The following FMO3 variants were observed in gnomAD, a reference collection of about 807,000 sequenced individuals.
FMO3 encodes the protein flavin-containing monooxygenase 3.
In FMO3, 40 loss-of-function variants were observed where a neutral mutation model predicts 39.4. The ratio of observed to expected loss-of-function variants is 1.02; its 90% CI spans 0.79 to 1.32. The LOEUF (loss-of-function observed/expected upper bound fraction) is 1.32. Ranked by LOEUF, FMO3 falls within the 40% of genes most tolerant of loss-of-function variation. FMO3 has a pLI of 0.00. For synonymous variants in FMO3, 219 were observed against 228.8 expected (o/e 0.96, Z 0.39); for missense variants, 680 against 651.8 (o/e 1.04, Z -0.47).
At position 171,100,944 on chromosome 1, in the gene FMO3, C is replaced by T. The variant is rs565668110; in HGVS notation, c.133-2841C>T. The T allele has an allele frequency of 1.0e-3, 338 of 329,850 alleles. 1 individual carries two copies. Among genetic ancestry groups the T allele is most frequent in the East Asian group, 1.9e-3 (25 of 13,436 alleles). The allele number at this position is 329,850 out of a possible 1,614,324, so 20.4% of individuals were successfully genotyped here. On this transcript the variant is annotated intron_variant, in intron 2 of 8. Transcript: ENST00000367755. Reference sequence around the variant, plus strand: ...CTGCATTATGTGGGTGAGCCCCAAACGCTATAATGAATGCATCGTTAAAAG... The same window carrying T: ...CTGCATTATGTGGGTGAGCCCCAAATGCTATAATGAATGCATCGTTAAAAG...
At chr1:171,093,580 A>C (rs549588766) in intron 2 of FMO3, among the ~76,000 whole-genome samples, 1 of 151,608 alleles carries the variant, frequency 6.6e-6, no homozygotes, top group East Asian at 1.9e-4. Flanking sequence ...TCTTTATCCA[A>C]TCATCCTTAT....
At chr1:171,094,449 C>G (rs28745585) in intron 2 of FMO3, among the ~76,000 whole-genome samples, 5 of 151,884 alleles carry the variant, frequency 3.3e-5, no homozygotes, top group South Asian at 4.2e-4. Flanking sequence ...TCTCTTTATG[C>G]GAAAAAGATT....
chr1:171,098,656 G>T (rs1655217467), intron 2 of FMO3, among the ~76,000 whole-genome samples: 1 of 152,126 alleles, frequency 6.6e-6, no homozygotes, highest in South Asian at 2.1e-4. Flanking sequence ...CTGAGATTTT[G>T]CTGAAGTAGC....
chr1:171,111,816 G>A (rs7062331), intron 6 of FMO3, among the ~76,000 whole-genome samples: 3,468 of 152,228 alleles, frequency 0.023, 45 homozygotes, highest in Middle Eastern at 0.044. Context: ...TATAGTAGTG[G>A]ACAAAACATG....
At chr1:171,109,340 G>A (rs570057422) in intron 5 of FMO3, among the ~76,000 whole-genome samples, 5 of 152,070 alleles carry the variant, frequency 3.3e-5, no homozygotes, top group African/African-American at 1.2e-4. Context: ...TTGAATGACA[G>A]GATAAAATAG....
At chr1:171,097,788 T>C (rs1253253960) in intron 2 of FMO3, among the ~76,000 whole-genome samples, 1 of 151,866 alleles carries the variant, frequency 6.6e-6, no homozygotes, top group African/African-American at 2.4e-5. Flanking sequence ...AGAAGCTCTT[T>C]AGTTTAATTA....
intron 2 of FMO3, among the ~76,000 whole-genome samples, chr1:171,093,959 C>T (rs1043673934): frequency 1.3e-5 from 2 of 151,014 alleles, no homozygotes; most frequent in Non-Finnish European, 1.5e-5. Context: ...CTCAGCCTCC[C>T]GAGTAGCTGG....
intron 2 of FMO3, chr1:171,101,919 G>T: frequency 8.5e-6 from 3 of 351,380 alleles, no homozygotes; most frequent in East Asian, 8.2e-5. Flanking sequence ...AACTTCCTCT[G>T]ATTTTTTTCT....
At chr1:171,098,417 C>G (rs1290877642) in intron 2 of FMO3, among the ~76,000 whole-genome samples, 1 of 152,134 alleles carries the variant, frequency 6.6e-6, no homozygotes, top group Non-Finnish European at 1.5e-5. Context: ...TCTTCCTATC[C>G]ATGAGCATGG....
At chr1:171,112,427 T>G (rs533009584) in intron 6 of FMO3, among the ~76,000 whole-genome samples, 1 of 152,282 alleles carries the variant, frequency 6.6e-6, no homozygotes, top group East Asian at 1.9e-4. Flanking sequence ...AGAGGGGATG[T>G]TGGTCTGGAC....
chr1:171,096,026 AT>A (rs1557932962), intron 2 of FMO3, among the ~76,000 whole-genome samples: 3 of 33,122 alleles, frequency 9.1e-5, no homozygotes, highest in Non-Finnish European at 1.5e-4. Flanking sequence ...TTATATATTA[AT>A]ATATAATATA....
At chr1:171,104,029 A>G in intron 3 of FMO3, 56 bp downstream of exon 3, 4 of 1,250,256 alleles carry the variant, frequency 3.2e-6, no homozygotes, top group South Asian at 1.2e-5. Context: ...GTCTATGTCT[A>G]CTACTGGATT....
At chr1:171,093,114 CT>C (rs1317313637) in intron 2 of FMO3, among the ~76,000 whole-genome samples, 1 of 120,748 alleles carries the variant, frequency 8.3e-6, no homozygotes, top group Non-Finnish European at 1.7e-5. Context: ...AACACAATAA[CT>C]TTTCACATCT....
rs1236767299 is a variant in FMO3 at position 171,092,780 on chromosome 1, G to A, written c.122G>A (p.Trp41Ter). The change falls in exon 2 of 9, where the codon TGG becomes TAG. Residue 41 changes from tryptophan to a stop codon, truncating the protein, a stop_gained. Transcript: ENST00000367755. LOFTEE classifies it high-confidence loss of function. The part of the protein sequence containing the change: ...FEKSNDIGGL[W>*]KFSDHAEEGR... ...AAGAGCAATGACATTGGGGGCCTGTGGAAATTTTCAGTGAGTAGCATGTTG... is the reference window on the plus strand; with the variant it reads ...AAGAGCAATGACATTGGGGGCCTGTAGAAATTTTCAGTGAGTAGCATGTTG... 8 of 1,613,914 alleles carry A rather than the reference G, an allele frequency of 5.0e-6. No homozygotes were observed. The East Asian group carries it at 1.8e-4, about 36-fold the overall frequency.
At position 171,096,012 on chromosome 1, in the gene FMO3, C is replaced by CATT. The variant is rs1339364926; in HGVS notation, c.132+3224_132+3225insTAT. Among the ~76,000 whole-genome samples the CATT allele has an allele frequency of 4.6e-3, 133 of 28,774 alleles. 2 individuals carry two copies. Among genetic ancestry groups the CATT allele is most frequent in the African/African-American group, 0.017 (125 of 7,278 alleles). 18.9% of individuals were successfully genotyped at this position (28,774 alleles called of 152,430 possible). ...TTATATATTTTTATATATTAATATA[C>CATT]ATATTATATATTAATATATAATATA... On this transcript the variant is annotated intron_variant, in intron 2 of 8. Coordinates refer to ENST00000367755, the MANE Select transcript of FMO3 (RefSeq NM_001002294.3).
At chr1:171,105,735 T>C (rs905079209) in intron 3 of FMO3, among the ~76,000 whole-genome samples, 3 of 152,114 alleles carry the variant, frequency 2.0e-5, no homozygotes, top group Non-Finnish European at 1.5e-5. Flanking sequence ...AAACCTGTTA[T>C]AGGCAGAAAA....
intron 2 of FMO3, among the ~76,000 whole-genome samples, chr1:171,095,643 A>G (rs1369298162): frequency 6.7e-6 from 1 of 149,522 alleles, no homozygotes; most frequent in East Asian, 1.9e-4. Context: ...GACATGAGAT[A>G]TCATTCTTAT....
intron 7 of FMO3, among the ~76,000 whole-genome samples, chr1:171,115,955 A>G (rs1047263776): frequency 2.6e-5 from 4 of 152,208 alleles, no homozygotes; most frequent in African/African-American, 9.7e-5. Flanking sequence ...TTAAAATATG[A>G]CTGAGATTAA....
intron 8 of FMO3, 23 bp from the exon 9 acceptor site, chr1:171,117,077 G>A (rs1656189505): frequency 4.5e-6 from 7 of 1,564,674 alleles, no homozygotes; most frequent in South Asian, 1.1e-5. Context: ...TATCCACAGT[G>A]GTGTTTTCTC....
Sources: allele counts gnomAD v4.1 joint callset (sites outside exome capture counted in the v4.1 genomes callset), GRCh38; gene constraint gnomAD v4.1.1; transcripts MANE v1.5; gene names NCBI Gene and HGNC (gene_info 2026-07-23, HGNC 2026-07-21).